Variants in RNF150 observed in about 807,000 individuals in gnomAD.
RNF150 encodes the protein ring finger protein 150.
RNF150 carries 24 observed loss-of-function variants against 39.3 expected under a neutral mutation model. The ratio of observed to expected loss-of-function variants is 0.61; its 90% CI spans 0.44 to 0.86. RNF150 has a LOEUF of 0.86. Among genes scored for constraint, RNF150 ranks in the 40% least tolerant of loss-of-function variants. The pLI is 0.00. For missense variants in RNF150, 502 were observed against 587.8 expected (o/e 0.85, Z 1.51); for synonymous variants, 255 against 227.3 (o/e 1.12, Z -1.10).
chr4:140,886,694 T>G (rs1196245659), intron 6 of RNF150, among the ~76,000 whole-genome samples: 1 of 152,148 alleles, frequency 6.6e-6, no homozygotes, highest in Non-Finnish European at 1.5e-5. Flanking sequence ...CTTGGCTTAT[T>G]GCAGCCTCGA....
rs146633188 is a variant in RNF150, at chr4:141,000,259, C to G, written c.485-32386G>C. Among the ~76,000 whole-genome samples, 352 of 152,224 alleles carry G rather than the reference C, an allele frequency of 2.3e-3. 1 individual carries two copies. The highest frequency in any genetic ancestry group is 8.3e-3 in the African/African-American group (344 of 41,540). On this transcript the variant is annotated intron_variant, in intron 1 of 6. Coordinates refer to ENST00000515673, the MANE Select transcript of RNF150 (RefSeq NM_020724.2). ...CTTCAAGGAATCAGTGTAGAGAAGA[C>G]AGTTTTGAATGCAGAGCAAAATGTT...
intron 6 of RNF150, among the ~76,000 whole-genome samples, chr4:140,897,319 C>A (rs1392829471): frequency 6.6e-6 from 1 of 152,156 alleles, no homozygotes; most frequent in Non-Finnish European, 1.5e-5. Flanking sequence ...CTCGGGCAGG[C>A]ACTCTGGGGT....
upstream of RNF150, among the ~76,000 whole-genome samples, chr4:141,133,899 C>T (rs1235914153): frequency 6.6e-6 from 1 of 152,072 alleles, no homozygotes; most frequent in South Asian, 2.1e-4. Context: ...GGTCCTGCCA[C>T]AAAGTTTCTG....
At chr4:140,901,190 G>GT (rs1730173382) in intron 6 of RNF150, among the ~76,000 whole-genome samples, 1 of 152,204 alleles carries the variant, frequency 6.6e-6, no homozygotes, top group South Asian at 2.1e-4. Flanking sequence ...TTTATGCACA[G>GT]TTAGACGTTA....
At chr4:141,081,627 A>G (rs1244990879) in intron 1 of RNF150, among the ~76,000 whole-genome samples, 1 of 152,246 alleles carries the variant, frequency 6.6e-6, no homozygotes, top group East Asian at 1.9e-4. Flanking sequence ...GGCAAAGACA[A>G]AATAGAGGTC....
intron 1 of RNF150, among the ~76,000 whole-genome samples, chr4:141,194,912 C>A (rs1355538741): frequency 6.6e-6 from 1 of 152,114 alleles, no homozygotes; most frequent in South Asian, 2.1e-4. Flanking sequence ...ACCTCATAGG[C>A]TGGTCATGAG....
chr4:141,202,133 A>C lies in RNF150; in HGVS notation c.-6+10661T>G, dbSNP rs76627051. Among the ~76,000 whole-genome samples the C allele has an allele frequency of 5.3e-5, 8 of 152,212 alleles. 2 individuals are homozygous for C. Among genetic ancestry groups the C allele is most frequent in the Admixed American group, 4.6e-4 (7 of 15,272 alleles). ...TGTTGTTTGCAAATTACCCAGTCTA[A>C]GGTATTTGTTATAACAGCACAAATG... On this transcript the variant is annotated intron_variant, in intron 1 of 7. Transcript: ENST00000420921.
At chr4:141,170,713 CAT>C (rs1450185406) in intron 1 of RNF150, among the ~76,000 whole-genome samples, 2 of 152,158 alleles carry the variant, frequency 1.3e-5, no homozygotes, top group Non-Finnish European at 2.9e-5. Context: ...TAAACAATCT[CAT>C]TTTGGAAATG....
chr4:141,000,013 AGAAGAAG>A lies in RNF150; in HGVS notation c.485-32147_485-32141del, dbSNP rs1560678975. Among the ~76,000 whole-genome samples the A allele has an allele frequency of 9.4e-5, 4 of 42,440 alleles. 1 individual carries two copies. Among genetic ancestry groups the A allele is most frequent in the African/African-American group, 3.5e-4 (4 of 11,308 alleles). The allele number at this position is 42,440 out of a possible 152,430, so 27.8% of individuals were successfully genotyped here. On this transcript the variant is annotated intron_variant, in intron 1 of 6. Transcript: ENST00000515673. ...GAAGAAAAGAAGAAGAAGAAGAAGA[AGAAGAAG>A]AAGAAGAAGAAGAAGAAGAAGAAGA...
intron 1 of RNF150, among the ~76,000 whole-genome samples, chr4:141,118,526 C>T (rs970414372): frequency 1.1e-4 from 16 of 152,062 alleles, no homozygotes; most frequent in African/African-American, 3.6e-4. Context: ...TCATATATGG[C>T]AGTAGAAAAA....
At chr4:141,022,015 G>C (rs930333298) in intron 1 of RNF150, among the ~76,000 whole-genome samples, 1 of 152,192 alleles carries the variant, frequency 6.6e-6, no homozygotes, top group Non-Finnish European at 1.5e-5. Context: ...TGCCTCATCG[G>C]AGCAGATGCT....
At chr4:140,903,606 C>T (rs1175878204) in intron 6 of RNF150, among the ~76,000 whole-genome samples, 2 of 152,112 alleles carry the variant, frequency 1.3e-5, no homozygotes, top group African/African-American at 4.8e-5. Flanking sequence ...GCAGGTCTGC[C>T]CCCCAGCCCT....
intron 1 of RNF150, among the ~76,000 whole-genome samples, chr4:141,007,456 T>C (rs979124201): frequency 2.9e-4 from 44 of 152,226 alleles, no homozygotes; most frequent in African/African-American, 1.0e-3. Flanking sequence ...ACTATGTATA[T>C]AACCTTTAAA....
intron 6 of RNF150, among the ~76,000 whole-genome samples, chr4:140,872,655 T>C (rs1728992873): frequency 6.6e-6 from 1 of 152,102 alleles, no homozygotes; most frequent in Admixed American, 6.5e-5. Flanking sequence ...CTACAGGAAA[T>C]GATGGACTAG....
chr4:140,869,700 T>C (rs953182823), intron 6 of RNF150, among the ~76,000 whole-genome samples: 11 of 152,228 alleles, frequency 7.2e-5, no homozygotes, highest in Admixed American at 2.0e-4. Flanking sequence ...AACTGAGTCC[T>C]AAAGGATAAT....
chr4:140,889,502 G>A (rs28497210), intron 6 of RNF150, among the ~76,000 whole-genome samples: 4,177 of 152,154 alleles, frequency 0.027, 142 homozygotes, highest in African/African-American at 0.081. Context: ...TGATTCAAAA[G>A]TTTGCAATCC....
chr4:141,089,987 T>C (rs904491135), intron 1 of RNF150, among the ~76,000 whole-genome samples: 3 of 152,228 alleles, frequency 2.0e-5, no homozygotes, highest in African/African-American at 4.8e-5. Context: ...AATATCTTTC[T>C]TCAATAGAGC....
At chr4:141,116,598 T>C (rs943796291) in intron 1 of RNF150, among the ~76,000 whole-genome samples, 4 of 152,216 alleles carry the variant, frequency 2.6e-5, no homozygotes, top group African/African-American at 9.6e-5. Flanking sequence ...CTCAAGAATC[T>C]AGAACCAGAA....
At chr4:141,043,245 A>G (rs539703954) in intron 1 of RNF150, among the ~76,000 whole-genome samples, 1 of 152,226 alleles carries the variant, frequency 6.6e-6, no homozygotes, top group South Asian at 2.1e-4. Flanking sequence ...TTTTTCAGAC[A>G]TACAAAATAT....
Sources: allele counts gnomAD v4.1 joint callset (sites outside exome capture counted in the v4.1 genomes callset), GRCh38; gene constraint gnomAD v4.1.1; transcripts MANE v1.5; gene names NCBI Gene and HGNC (gene_info 2026-07-23, HGNC 2026-07-21).